NPAT: variants seen among roughly 807,000 people sequenced by gnomAD.
The protein encoded by NPAT is protein NPAT.
In NPAT, 52 loss-of-function variants were observed where a neutral mutation model predicts 130.7. That is an observed-to-expected ratio of 0.40 (90% confidence interval 0.32 to 0.50). The LOEUF (loss-of-function observed/expected upper bound fraction) is 0.50, where lower values mean the gene tolerates loss of function less well. NPAT is among the 20% of genes least tolerant of loss of function. The pLI, the probability that NPAT is intolerant of heterozygous loss-of-function variation, is 0.68. For synonymous variants in NPAT, 580 were observed against 584.8 expected (o/e 0.99, Z 0.12); for missense variants, 1,687 against 1,662.6 (o/e 1.01, Z -0.26).
chr11:108,170,701 G>T (rs367588103), intron 13 of NPAT, among the ~76,000 whole-genome samples: 3 of 152,044 alleles, frequency 2.0e-5, no homozygotes, highest in Non-Finnish European at 4.4e-5. Context: ...AACCTACTAC[G>T]GTCTCTCTGT....
intron 15 of NPAT, among the ~76,000 whole-genome samples, chr11:108,162,583 A>G (rs373400189): frequency 2.7e-4 from 41 of 151,804 alleles, no homozygotes; most frequent in African/African-American, 9.9e-4. Flanking sequence ...GGCGCCCCCA[A>G]CCATGCTCAG....
chr11:108,201,272 G>T (rs2078273282), intron 1 of NPAT, among the ~76,000 whole-genome samples: 1 of 152,172 alleles, frequency 6.6e-6, no homozygotes, highest in African/African-American at 2.4e-5. Flanking sequence ...AAACCCTCAA[G>T]CAACTGAGAG....
In NPAT at chr11:108,162,159, A is replaced by G; in HGVS notation, c.3032T>C (p.Val1011Ala). 1.2e-6 allele frequency: 2 copies of G among 1,613,932 alleles called. No individual in the cohort carries two copies. Among genetic ancestry groups the G allele is most frequent in the Non-Finnish European group, 1.7e-6 (2 of 1,179,820 alleles). ...PCIGKQVNNL[V>A]DSSGHSVGCH... Reference sequence around the variant, plus strand: ...TCCAACTGAATGACCTGACGAATCCACCAAATTATTTACTTGTTTTCCTGA... The same window carrying G: ...TCCAACTGAATGACCTGACGAATCCGCCAAATTATTTACTTGTTTTCCTGA... Residue 1011 changes from valine to alanine, a missense_variant, in exon 16 of 18, where the codon GTG (valine) becomes GCG (alanine). By Grantham distance (64) the Val-to-Ala change is moderately conservative. This residue lies in a region of NPAT where 1,379 missense variants were observed against 1,346.6 expected (regional missense o/e 1.02). Coordinates refer to ENST00000278612, the MANE Select transcript of NPAT (RefSeq NM_002519.3).
chr11:108,163,554 G>A (rs1489705101), intron 15 of NPAT, among the ~76,000 whole-genome samples: 1 of 152,160 alleles, frequency 6.6e-6, no homozygotes, highest in Non-Finnish European at 1.5e-5. Context: ...TAATGGGCAT[G>A]TACATTTCCA....
chr11:108,187,809 G>C (rs766190393), intron 7 of NPAT, among the ~76,000 whole-genome samples: 1 of 151,822 alleles, frequency 6.6e-6, no homozygotes, highest in African/African-American at 2.4e-5. Context: ...AACATGGATT[G>C]CAAAAAATCT....
intron 11 of NPAT, 74 bp from the exon 12 acceptor site, chr11:108,176,448 G>T: frequency 9.1e-7 from 1 of 1,104,804 alleles, no homozygotes; most frequent in Admixed American, 1.8e-5. Flanking sequence ...CAGCTTGTTG[G>T]TGATTACGCA....
chr11:108,165,469 TATA>T (rs1421921868), intron 15 of NPAT, among the ~76,000 whole-genome samples: 3 of 100,956 alleles, frequency 3.0e-5, no homozygotes, highest in Admixed American at 9.8e-5. Context: ...TATATATATA[TATA>T]TTTTTTTTTT....
intron 1 of NPAT, among the ~76,000 whole-genome samples, chr11:108,221,620 G>C (rs2078499969): frequency 6.6e-6 from 1 of 152,172 alleles, no homozygotes; most frequent in African/African-American, 2.4e-5. Context: ...TAATGGCTGT[G>C]AATACTATGG....
chr11:108,162,369 C>T (rs1036773469), intron 15 of NPAT, among the ~76,000 whole-genome samples, 189 bp from the exon 16 acceptor site: 1 of 152,150 alleles, frequency 6.6e-6, no homozygotes, highest in Non-Finnish European at 1.5e-5. Context: ...GCTATTTCCC[C>T]ACTGCTACAG....
At chr11:108,184,732 T>G (rs184248066) in intron 10 of NPAT, among the ~76,000 whole-genome samples, 1 of 152,268 alleles carries the variant, frequency 6.6e-6, no homozygotes, top group Admixed American at 6.5e-5. Flanking sequence ...GATTTCACCA[T>G]GTTGGCCAAG....
chr11:108,197,177 G>C, intron 2 of NPAT, 125 bp downstream of exon 2: 1 of 740,010 alleles, frequency 1.4e-6, no homozygotes, highest in Admixed American at 2.0e-5. Flanking sequence ...TACCAGTCAT[G>C]CATGAATATA....
chr11:108,193,008 A>G (rs1026855016), intron 3 of NPAT, among the ~76,000 whole-genome samples: 41 of 152,178 alleles, frequency 2.7e-4, no homozygotes, highest in African/African-American at 9.9e-4. Context: ...ATATGAAAGC[A>G]CGTAGCACAA....
intron 1 of NPAT, among the ~76,000 whole-genome samples, chr11:108,199,054 G>GGTA (rs1372741611): frequency 6.6e-6 from 1 of 152,196 alleles, no homozygotes; most frequent in Non-Finnish European, 1.5e-5. Context: ...CAGGGTAGAG[G>GGTA]GACGGAATGA....
intron 1 of NPAT, among the ~76,000 whole-genome samples, chr11:108,216,784 T>C (rs1203642422): frequency 2.0e-5 from 3 of 152,178 alleles, no homozygotes; most frequent in Non-Finnish European, 1.5e-5. Context: ...TATCTCAAAA[T>C]AGTAATATCT....
intron 9 of NPAT, 24 bp downstream of exon 9, chr11:108,185,379 G>C (rs968807614): frequency 1.9e-6 from 3 of 1,573,342 alleles, no homozygotes; most frequent in Non-Finnish European, 1.7e-6. Context: ...AAACAATTAG[G>C]CATTTTAAAC....
chr11:108,196,283 T>C (rs114515089), intron 2 of NPAT, among the ~76,000 whole-genome samples: 1,961 of 152,324 alleles, frequency 0.013, 53 homozygotes, highest in African/African-American at 0.044. Flanking sequence ...GGTCTCTACA[T>C]GGACTTGTAT....
At chr11:108,213,713 A>G (rs1396377970) in intron 1 of NPAT, among the ~76,000 whole-genome samples, 1 of 152,234 alleles carries the variant, frequency 6.6e-6, no homozygotes, top group African/African-American at 2.4e-5. Flanking sequence ...TTGAAAATGA[A>G]GAAAAAGTTG....
Position 108,174,964 on chromosome 11 carries a change from G to C in NPAT, c.1133-1113C>G, listed in dbSNP as rs2077990669. ...ACAACAATACAGCATTCACAATTTAGGACAGAAAACATTAACTTGAATCAG... is the reference window on the plus strand; with the variant it reads ...ACAACAATACAGCATTCACAATTTACGACAGAAAACATTAACTTGAATCAG... On this transcript the variant is annotated intron_variant, in intron 12 of 17. Coordinates refer to ENST00000278612, the MANE Select transcript of NPAT (RefSeq NM_002519.3). Among the ~76,000 whole-genome samples the C allele has an allele frequency of 3.9e-5, 6 of 152,044 alleles. No homozygotes were observed. In the South Asian group the frequency reaches 1.2e-3, roughly 32 times the overall value.
At chr11:108,185,880 G>C (rs2078102906) in intron 8 of NPAT, among the ~76,000 whole-genome samples, 1 of 152,164 alleles carries the variant, frequency 6.6e-6, no homozygotes. Context: ...TTACGGGCGT[G>C]TGCCATCACA....
Sources: allele counts gnomAD v4.1 joint callset (sites outside exome capture counted in the v4.1 genomes callset), GRCh38; gene constraint gnomAD v4.1.1; regional missense constraint gnomAD v4.1.1; transcripts MANE v1.5; gene names NCBI Gene and HGNC (gene_info 2026-07-23, HGNC 2026-07-21).